Variants in PCK2 observed in about 807,000 individuals in gnomAD.
The protein encoded by PCK2 is phosphoenolpyruvate carboxykinase 2, mitochondrial.
Under a neutral mutation model 65.9 loss-of-function variants are expected in PCK2, and 56 were observed. The ratio of observed to expected loss-of-function variants is 0.85; its 90% confidence interval spans 0.69 to 1.06. PCK2 has a LOEUF of 1.06. Among genes scored for constraint, PCK2 ranks in the 50% least tolerant of loss-of-function variants. The pLI, the probability that PCK2 is intolerant of heterozygous loss-of-function variation, is 0.00. For missense variants in PCK2, 843 were observed against 863.1 expected (o/e 0.98, Z 0.29); for synonymous variants, 305 against 319.6 (o/e 0.95, Z 0.49).
rs80204943 is a variant in PCK2 at position 24,101,290 on chromosome 14, G to C, written c.1234+1077G>C. 2.5e-3 allele frequency among the ~76,000 whole-genome samples: 382 copies of C among 152,338 alleles called. 3 individuals are homozygous for C. The highest frequency in any genetic ancestry group is 9.0e-3 in the African/African-American group (375 of 41,568). ...CCTGTGTTAGGATTCTGCACTGGGT[G>C]CTGAAGAAGGATGGCTCTTATCTGC... On this transcript the variant is annotated intron_variant, in intron 7 of 9. Coordinates refer to ENST00000216780, the MANE Select transcript of PCK2 (RefSeq NM_004563.4).
intron 7 of PCK2, 128 bp downstream of exon 7, chr14:24,100,341 A>G: frequency 6.7e-7 from 1 of 1,488,442 alleles, no homozygotes; most frequent in Admixed American, 2.6e-5. Flanking sequence ...GAACGTTTGC[A>G]GTTTCCAGTC....
chr14:24,097,721 G>A (rs2036957573), intron 2 of PCK2, among the ~76,000 whole-genome samples: 1 of 151,790 alleles, frequency 6.6e-6, no homozygotes, highest in South Asian at 2.1e-4. Context: ...AGCCTCCGGA[G>A]TAGCTGGGAT....
intron 6 of PCK2, 79 bp downstream of exon 6, chr14:24,099,799 C>T (rs1566578297): frequency 6.6e-7 from 1 of 1,524,464 alleles, no homozygotes; most frequent in Non-Finnish European, 9.1e-7. Context: ...TTCACAATGA[C>T]TTTGTCAGTG....
chr14:24,103,006 C>A (rs771651008), intron 8 of PCK2, 116 bp downstream of exon 8: 2 of 1,303,750 alleles, frequency 1.5e-6, no homozygotes, highest in Non-Finnish European at 2.2e-6. Flanking sequence ...CCAGAGTTCT[C>A]CCCTGGTGAA....
In PCK2 at chr14:24,099,620, C is replaced by G. The variant is rs757945348; in HGVS notation, c.915C>G (p.Ala305=). 1 of 1,613,924 alleles carries G rather than the reference C, an allele frequency of 6.2e-7. No individual in the cohort carries two copies. The highest frequency in any genetic ancestry group is 8.5e-7 in the Non-Finnish European group (1 of 1,179,838). ...ATGTGGCAGCCGCCTTCCCTAGTGC[C>G]TGTGGCAAGACCAACCTGGCTATGA... The part of the protein sequence containing the change: ...KRYVAAAFPS[A]CGKTNLAMMR... The change falls in exon 6 of 10, where the codon GCC becomes GCG. Residue 305 remains alanine, a synonymous_variant. Coordinates refer to ENST00000216780, the MANE Select transcript of PCK2 (RefSeq NM_004563.4).
Position 24,098,614 on chromosome 14 carries a change from G to A in PCK2, c.600G>A (p.Gln200=), listed in dbSNP as rs375684370. The change falls in exon 4 of 10, where the codon CAG becomes CAA. Residue 200 remains glutamine, a synonymous_variant. Transcript: ENST00000216780. ...IMTRLGTPVL[Q]ALGDGDFVKC... ...CCCGACTGGGGACACCTGTGCTTCA[G>A]GCCCTGGGAGATGGTGACTTTGTCA... 2.5e-6 allele frequency: 4 copies of A among 1,613,940 alleles called. No homozygotes were observed. The African/African-American group carries it at 4.0e-5, about 16-fold the overall frequency.
Position 24,094,481 on chromosome 14 carries a change from C to A in PCK2, c.29+47C>A. 1 of 1,491,242 alleles carries A rather than the reference C, an allele frequency of 6.7e-7. No individual in the cohort carries two copies. 92.4% of individuals were successfully genotyped at this position (1,491,242 alleles called of 1,614,324 possible). On this transcript the variant is annotated intron_variant, in intron 1 of 9. Transcript: ENST00000216780. This position sits in a 1 kb window ranked among gnomAD's most constrained non-coding sequence, Gnocchi z 4.1. ...GCCCACCCGCACCTTCCGCTGCGCT[C>A]GCCCCCTCGGGGCTGCCAGTGGCGC...
chr14:24,099,492 C>T, intron 5 of PCK2, 66 bp from the exon 6 acceptor site: 1 of 1,444,696 alleles, frequency 6.9e-7, no homozygotes, highest in Non-Finnish European at 9.4e-7. Flanking sequence ...AGCTGCCCTT[C>T]CCCATGCAGA....
intron 7 of PCK2, among the ~76,000 whole-genome samples, chr14:24,100,885 C>A (rs753759303): frequency 2.0e-5 from 3 of 152,186 alleles, no homozygotes; most frequent in African/African-American, 7.2e-5. Context: ...TTACCCTGGG[C>A]GCCTGGGAGT....
At position 24,100,123 on chromosome 14, in the gene PCK2, A is replaced by C. The variant is rs777730694; in HGVS notation, c.1144A>C (p.Ser382Arg). The C allele has an allele frequency of 6.2e-7, 1 of 1,613,462 alleles. No homozygotes were observed. The highest frequency in any genetic ancestry group is 8.5e-7 in the Non-Finnish European group (1 of 1,179,604). Residue 382 changes from serine to arginine, a missense_variant, in exon 7 of 10, where the codon AGT becomes CGT. Physicochemically the swap from Ser to Arg is moderately radical, Grantham distance 110. Transcript: ENST00000216780. ...TATTTTTACCAATGTGGCTGAGACC[A>C]GTGATGGTGGCGTGTACTGGGAGGG... ...NTIFTNVAET[S>R]DGGVYWEGID...
chr14:24,100,207 A>G lies in PCK2; in HGVS notation c.1228A>G (p.Lys410Glu). 3 of 1,614,184 alleles carry G rather than the reference A, an allele frequency of 1.9e-6. No homozygotes were observed. Among genetic ancestry groups the G allele is most frequent in the Non-Finnish European group, 2.5e-6 (3 of 1,180,020 alleles). Residue 410 changes from lysine (K) to glutamate (E), a missense_variant, in exon 7 of 10, where the codon AAA (lysine) becomes GAA (glutamate). Lys to Glu is a moderately conservative substitution (Grantham distance 56). Coordinates refer to ENST00000216780, the MANE Select transcript of PCK2 (RefSeq NM_004563.4). ...TVTSWLGKPW[K>E]PGDKEPCAHP... The stretch of plus-strand genomic sequence containing the variant: ...GACCTCCTGGCTGGGCAAACCCTGG[A>G]AACCTGGTATGTGCGGTGGGGAAGG...
In PCK2 at chr14:24,102,767, T is replaced by C; in HGVS notation, c.1249T>C (p.Cys417Arg). Reference sequence around the variant, plus strand: ...TCCTCTGCCAGGTGACAAGGAGCCCTGTGCACATCCCAACTCTCGATTTTG... The same window carrying C: ...TCCTCTGCCAGGTGACAAGGAGCCCCGTGCACATCCCAACTCTCGATTTTG... ...KPWKPGDKEP[C>R]AHPNSRFCAP... Residue 417 changes from cysteine to arginine, a missense_variant, in exon 8 of 10, where the codon TGT becomes CGT. Physicochemically the swap from Cys to Arg is radical, Grantham distance 180. Coordinates refer to ENST00000216780, the MANE Select transcript of PCK2 (RefSeq NM_004563.4). 3 of 1,613,844 alleles carry C rather than the reference T, an allele frequency of 1.9e-6. No homozygotes were observed. Among genetic ancestry groups the C allele is most frequent in the Non-Finnish European group, 2.5e-6 (3 of 1,179,820 alleles).
rs1393862343 is a variant in PCK2 at position 24,104,040 on chromosome 14, G to A, written c.*76G>A. 2.0e-6 allele frequency: 2 copies of A among 997,858 alleles called. No homozygotes were observed. The highest frequency in any genetic ancestry group is 3.2e-5 in the African/African-American group (2 of 62,506). The allele number at this position is 997,858 out of a possible 1,614,324, so 61.8% of individuals were successfully genotyped here. On this transcript the variant is annotated 3_prime_UTR_variant, in exon 10 of 10. Transcript: ENST00000216780. The stretch of plus-strand genomic sequence containing the variant: ...GGAAGGCACCTTGCAGAAAATATGA[G>A]CAATTTGATATTAACTAACATCTTC...
chr14:24,102,241 T>C (rs2037190931), intron 7 of PCK2, among the ~76,000 whole-genome samples: 1 of 152,154 alleles, frequency 6.6e-6, no homozygotes, highest in African/African-American at 2.4e-5. Context: ...AATAAAAAGA[T>C]AAAATAAATT....
intron 4 of PCK2, 37 bp downstream of exon 4, chr14:24,098,715 C>T (rs778868207): frequency 6.4e-7 from 1 of 1,553,472 alleles, no homozygotes. Flanking sequence ...AACACAGAGG[C>T]CTTCTTGTAC....
At position 24,094,428 on chromosome 14, in the gene PCK2, G is replaced by A; in HGVS notation, c.23G>A (p.Gly8Asp). Reference protein sequence around the residue: MAALYRPGLRLNWHGLSP... With the variant: MAALYRPDLRLNWHGLSP... ...GCCATGGCCGCATTGTACCGCCCTG[G>A]CCTGCGGTGAGTGACCCCCGGCCCG... Residue 8 changes from glycine (G) to aspartate (D), a missense_variant, in exon 1 of 10, where the codon GGC (glycine) becomes GAC (aspartate). Physicochemically the swap from Gly to Asp is moderately conservative, Grantham distance 94. Coordinates refer to ENST00000216780, the MANE Select transcript of PCK2 (RefSeq NM_004563.4). The surrounding 1 kb of genome is among the most constrained non-coding windows in gnomAD (Gnocchi z 4.1). 6.4e-7 allele frequency: 1 copy of A among 1,552,948 alleles called. No homozygotes were observed.
At chr14:24,101,865 A>C (rs1280884247) in intron 7 of PCK2, among the ~76,000 whole-genome samples, 1 of 152,012 alleles carries the variant, frequency 6.6e-6, no homozygotes, top group African/African-American at 2.4e-5. Flanking sequence ...CAGTGAGACA[A>C]GATCATGCCA....
chr14:24,094,419 A>G lies in PCK2; in HGVS notation c.14A>G (p.Tyr5Cys). Residue 5 changes from tyrosine (Y) to cysteine (C), a missense_variant, in exon 1 of 10, where the codon TAC (tyrosine) becomes TGC (cysteine). Physicochemically the swap from Tyr to Cys is radical, Grantham distance 194. Transcript: ENST00000216780. The surrounding 1 kb of genome is among the most constrained non-coding windows in gnomAD (Gnocchi z 4.1). The part of the protein sequence containing the change: MAAL[Y>C]RPGLRLNWHG... ...TGCCCAGGTGCCATGGCCGCATTGT[A>G]CCGCCCTGGCCTGCGGTGAGTGACC... 1 of 1,560,488 alleles carries G rather than the reference A, an allele frequency of 6.4e-7. No homozygotes were observed.
chr14:24,099,287 G>A (rs758864771), intron 5 of PCK2, 51 bp downstream of exon 5: 1 of 1,524,566 alleles, frequency 6.6e-7, no homozygotes. Flanking sequence ...GGCAGGGGTG[G>A]GGCCTGGCCA....
Sources: gnomAD v4.1 joint callset for allele counts (sites outside exome capture counted in the v4.1 genomes callset) on GRCh38, gnomAD v4.1.1 for gene constraint, Gnocchi (gnomAD v3.1) non-coding constraint, MANE v1.5 for transcripts, NCBI Gene and HGNC (gene_info 2026-07-23, HGNC 2026-07-21) for gene names.